Variants in PDE9A observed in about 807,000 individuals in gnomAD.
PDE9A encodes the protein high affinity cGMP-specific 3',5'-cyclic phosphodiesterase 9A.
PDE9A carries 60 observed loss-of-function variants against 87.4 expected under a neutral mutation model. The ratio of observed to expected loss-of-function variants is 0.69; its 90% CI spans 0.56 to 0.85. PDE9A has a LOEUF of 0.85. Ranked by LOEUF, PDE9A falls within the 40% of genes least tolerant of loss-of-function variation. The probability of loss-of-function intolerance (pLI) is 0.00; values close to 1 mark genes in which losing one functional copy is unlikely to be tolerated. For missense variants in PDE9A, 665 were observed against 779.0 expected, an observed-to-expected ratio of 0.85 and a Z score of 1.74; for synonymous variants, 272 against 279.4, an observed-to-expected ratio of 0.97 and a Z score of 0.27.
intron 9 of PDE9A, among the ~76,000 whole-genome samples, chr21:42,753,126 G>T (rs771529855): frequency 6.7e-4 from 102 of 152,024 alleles, no homozygotes; most frequent in Admixed American, 2.6e-4. Context: ...CCCACCTCAG[G>T]CTCCCAAGTA....
chr21:42,744,654 G>A (rs997352561), intron 8 of PDE9A, among the ~76,000 whole-genome samples: 13 of 152,122 alleles, frequency 8.5e-5, no homozygotes, highest in Non-Finnish European at 1.3e-4. Context: ...CGCTTCGGGG[G>A]GCCCAGTGAG....
chr21:42,742,585 C>G (rs1602402141), intron 7 of PDE9A, among the ~76,000 whole-genome samples: 1 of 151,372 alleles, frequency 6.6e-6, no homozygotes, highest in African/African-American at 2.4e-5. Flanking sequence ...CCTGCCTCAG[C>G]CTCCCGAGTA....
chr21:42,764,245 C>T (rs1004398046), intron 14 of PDE9A, among the ~76,000 whole-genome samples: 4 of 152,326 alleles, frequency 2.6e-5, no homozygotes, highest in Non-Finnish European at 2.9e-5. Context: ...ATTCAATAGA[C>T]AATTTACAGT....
At position 42,710,408 on chromosome 21, in the gene PDE9A, C is replaced by CAAA. The variant is rs35770609; in HGVS notation, c.262+11411_262+11413dup. Among the ~76,000 whole-genome samples the CAAA allele has an allele frequency of 3.1e-3, 346 of 110,752 alleles. 3 individuals are homozygous for CAAA. Among genetic ancestry groups the CAAA allele is most frequent in the African/African-American group, 9.8e-3 (315 of 32,076 alleles). 72.7% of individuals were successfully genotyped at this position (110,752 alleles called of 152,430 possible). On this transcript the variant is annotated intron_variant, in intron 4 of 19. Coordinates refer to ENST00000291539, the MANE Select transcript of PDE9A (RefSeq NM_002606.3). ...TGGGCGACAGAGCGAGACTCCATCTCAAAAAAAAAAAAAAAAGAAAGAAAA... is the reference window on the plus strand; with the variant it reads ...TGGGCGACAGAGCGAGACTCCATCTCAAAAAAAAAAAAAAAAAAAGAAAGAAAA...
chr21:42,752,803 T>C (rs2284967), intron 9 of PDE9A, among the ~76,000 whole-genome samples: 34,235 of 152,190 alleles, frequency 0.22, 4,651 homozygotes, highest in East Asian at 0.49. Context: ...AACCACAGCC[T>C]TCTGTCCTTG....
intron 3 of PDE9A, among the ~76,000 whole-genome samples, chr21:42,697,900 T>G (rs2146309692): frequency 6.6e-6 from 1 of 152,256 alleles, no homozygotes; most frequent in African/African-American, 2.4e-5. Context: ...ATGGGACCAC[T>G]AATGTGGCAT....
intron 7 of PDE9A, among the ~76,000 whole-genome samples, chr21:42,735,172 G>A (rs939083871): frequency 2.0e-5 from 3 of 152,196 alleles, no homozygotes; most frequent in Non-Finnish European, 4.4e-5. Context: ...ATGCTGTGCG[G>A]ATGCCTGTGC....
chr21:42,758,765 C>T (rs575663667), intron 10 of PDE9A: 118 of 496,390 alleles, frequency 2.4e-4, no homozygotes, highest in African/African-American at 2.1e-3. Flanking sequence ...AGGAGACCCC[C>T]AGTGTGCTCT....
intron 3 of PDE9A, 43 bp downstream of exon 3, chr21:42,688,037 T>C (rs1289487606): frequency 1.4e-6 from 2 of 1,475,626 alleles, no homozygotes; most frequent in Admixed American, 3.3e-5. Flanking sequence ...GCCTGGCACT[T>C]CTCTCCATGA....
At chr21:42,731,439 G>A (rs2051729102) in intron 4 of PDE9A, among the ~76,000 whole-genome samples, 1 of 152,200 alleles carries the variant, frequency 6.6e-6, no homozygotes. Context: ...TGCTGACAAG[G>A]ACAGCGCTGT....
In PDE9A at chr21:42,769,163, ACT is replaced by A; in HGVS notation, c.1590+9_1590+10del. 1 of 1,611,820 alleles carries A rather than the reference ACT, an allele frequency of 6.2e-7. No individual in the cohort carries two copies. Among genetic ancestry groups the A allele is most frequent in the South Asian group, 1.1e-5 (1 of 90,912 alleles). The stretch of plus-strand genomic sequence containing the variant: ...TTTGAAACAGTGACCAAGGTGAGTA[ACT>A]GTCACCACATGTCACACTTGCTTAC... On this transcript the variant is annotated intron_variant, in intron 17 of 19. Transcript: ENST00000291539.
chr21:42,667,980 TC>T (rs5844131), intron 1 of PDE9A, among the ~76,000 whole-genome samples: 52,699 of 151,892 alleles, frequency 0.35, 10,671 homozygotes, highest in African/African-American at 0.57. Flanking sequence ...TACCAAGACA[TC>T]CAAGCTCTCT....
rs142489766 is a variant in PDE9A, at chr21:42,729,488, G to C, written c.263-2282G>C. Reference sequence around the variant, plus strand: ...TTGTTTTTCTGTTTTCTGTTACCGGGATTTCTATTCCCCTATCTTTGTGAT... The same window carrying C: ...TTGTTTTTCTGTTTTCTGTTACCGGCATTTCTATTCCCCTATCTTTGTGAT... On this transcript the variant is annotated intron_variant, in intron 4 of 19. Transcript: ENST00000291539. 6.4e-4 allele frequency among the ~76,000 whole-genome samples: 98 copies of C among 152,154 alleles called. 1 individual carries two copies. The East Asian group carries it at 0.017, about 26-fold the overall frequency.
At chr21:42,726,592 CCATATATATATATATATATA>C (rs2051067567) in intron 4 of PDE9A, among the ~76,000 whole-genome samples, 6 of 74,222 alleles carry the variant, frequency 8.1e-5, no homozygotes, top group African/African-American at 4.3e-4. Flanking sequence ...CCACGCCTGG[CCATATATATATATATATATA>C]TATATATATA....
In PDE9A at chr21:42,760,044, A is replaced by G. The variant is rs1271774049; in HGVS notation, c.898-284A>G. Reference sequence around the variant, plus strand: ...TTTATGCCCCACTGTGGCTCCTCAGACACCTCCGGGGAGACCCCAGTCCTT... The same window carrying G: ...TTTATGCCCCACTGTGGCTCCTCAGGCACCTCCGGGGAGACCCCAGTCCTT... On this transcript the variant is annotated intron_variant, in intron 11 of 19. Coordinates refer to ENST00000291539, the MANE Select transcript of PDE9A (RefSeq NM_002606.3). The surrounding 1 kb of genome is among the most constrained non-coding windows in gnomAD (Gnocchi z 5.2). 6.6e-6 allele frequency among the ~76,000 whole-genome samples: 1 copy of G among 151,610 alleles called. No individual in the cohort carries two copies. Among genetic ancestry groups the G allele is most frequent in the African/African-American group, 2.4e-5 (1 of 41,232 alleles).
At position 42,768,234 on chromosome 21, in the gene PDE9A, G is replaced by A. The variant is rs1569276158; in HGVS notation, c.1403G>A (p.Arg468His). ...IKCCDISNEV[R>H]PMEVAEPWVD... ...TGCTGTGATATCTCTAACGAGGTCC[G>A]TCCAATGGAAGTCGCAGAGCCTTGG... Residue 468 changes from arginine (R) to histidine (H), a missense_variant, in exon 16 of 20, where the codon CGT becomes CAT. By Grantham distance (29) the Arg-to-His change is conservative. Coordinates refer to ENST00000291539, the MANE Select transcript of PDE9A (RefSeq NM_002606.3). 5.6e-6 allele frequency: 9 copies of A among 1,611,526 alleles called. No homozygotes were observed. Among genetic ancestry groups the A allele is most frequent in the Non-Finnish European group, 6.8e-6 (8 of 1,177,532 alleles).
At chr21:42,736,053 C>T (rs1307376835) in intron 7 of PDE9A, among the ~76,000 whole-genome samples, 1 of 152,048 alleles carries the variant, frequency 6.6e-6, no homozygotes, top group Non-Finnish European at 1.5e-5. Flanking sequence ...TGTGCAGATG[C>T]CCGCGGGCAG....
intron 1 of PDE9A, 66 bp downstream of exon 1, chr21:42,653,949 C>A: frequency 1.1e-6 from 1 of 934,250 alleles, no homozygotes; most frequent in Non-Finnish European, 1.6e-6. Context: ...CCGGGCGCGG[C>A]GGGGCGGGAC....
intron 4 of PDE9A, among the ~76,000 whole-genome samples, chr21:42,707,974 G>A (rs191782424): frequency 6.6e-6 from 1 of 152,276 alleles, no homozygotes; most frequent in Admixed American, 6.5e-5. Flanking sequence ...AATAGAACAG[G>A]AATGCTTCCT....
Sources: gnomAD v4.1 joint callset for allele counts (sites outside exome capture counted in the v4.1 genomes callset) on GRCh38, gnomAD v4.1.1 for gene constraint, Gnocchi (gnomAD v3.1) non-coding constraint, MANE v1.5 for transcripts, NCBI Gene and HGNC (gene_info 2026-07-23, HGNC 2026-07-21) for gene names.